PHLPP1: variants seen among roughly 807,000 people sequenced by gnomAD.
The protein encoded by PHLPP1 is PH domain and leucine rich repeat protein phosphatase 1, also known as PH domain leucine-rich repeat-containing protein phosphatase 1.
A neutral mutation model predicts 117.2 loss-of-function variants in PHLPP1; 42 were observed. That is an observed-to-expected ratio of 0.36 (90% CI 0.28 to 0.46). The LOEUF (loss-of-function observed/expected upper bound fraction) is 0.46, where lower values mean the gene tolerates loss of function less well. PHLPP1 is among the 20% of genes least tolerant of loss of function. PHLPP1 has a pLI of 1.00. For missense variants in PHLPP1, 2,084 were observed against 2,241.9 expected, an observed-to-expected ratio of 0.93 and a Z score of 1.42; for synonymous variants, 1,042 against 970.7, an observed-to-expected ratio of 1.07 and a Z score of -1.37.
At chr18:62,893,135 G>A (rs192826517) in intron 4 of PHLPP1, among the ~76,000 whole-genome samples, 69 of 151,436 alleles carry the variant, frequency 4.6e-4, no homozygotes, top group African/African-American at 1.6e-3. Context: ...TCTGTCTCCC[G>A]GGTTCAAGCA....
intron 10 of PHLPP1, among the ~76,000 whole-genome samples, chr18:62,930,226 A>G (rs946516596): frequency 7.2e-5 from 11 of 152,206 alleles, no homozygotes; most frequent in African/African-American, 1.4e-4. Context: ...TATATATCCT[A>G]TAGAGAGGGA....
At chr18:62,922,366 A>G (rs1191923014) in intron 10 of PHLPP1, among the ~76,000 whole-genome samples, 1 of 152,102 alleles carries the variant, frequency 6.6e-6, no homozygotes, top group Non-Finnish European at 1.5e-5. Flanking sequence ...TAAACTTCTG[A>G]TCTCAAGTGA....
intron 14 of PHLPP1, among the ~76,000 whole-genome samples, chr18:62,972,112 A>AG (rs1419809538): frequency 6.6e-6 from 1 of 152,192 alleles, no homozygotes; most frequent in East Asian, 1.9e-4. Context: ...CTTTTCATAT[A>AG]GGTTTCGTCT....
intron 1 of PHLPP1, among the ~76,000 whole-genome samples, chr18:62,734,699 A>G (rs1911322141): frequency 6.6e-6 from 1 of 152,208 alleles, no homozygotes; most frequent in South Asian, 2.1e-4. Context: ...AAACCAATCA[A>G]CATTCAGGTT....
At chr18:62,860,666 A>G in intron 4 of PHLPP1, 65 bp downstream of exon 4, 2 of 1,278,810 alleles carry the variant, frequency 1.6e-6, no homozygotes, top group South Asian at 1.4e-5. Context: ...TCTGCTTGTT[A>G]TCTCTTGAAT....
At chr18:62,746,621 C>T (rs1329365566) in intron 1 of PHLPP1, among the ~76,000 whole-genome samples, 1 of 151,808 alleles carries the variant, frequency 6.6e-6, no homozygotes, top group Non-Finnish European at 1.5e-5. Context: ...ATATAAAGAA[C>T]ACCTGTGTAA....
intron 4 of PHLPP1, among the ~76,000 whole-genome samples, chr18:62,868,621 CAAAA>C (rs35943627): frequency 4.5e-5 from 3 of 67,234 alleles, no homozygotes; most frequent in Non-Finnish European, 1.0e-4. Flanking sequence ...GACTCTGTCT[CAAAA>C]AAAAAAAAAA....
At chr18:62,977,195 A>C (rs1438856471) in intron 16 of PHLPP1, among the ~76,000 whole-genome samples, 2 of 152,242 alleles carry the variant, frequency 1.3e-5, no homozygotes, top group African/African-American at 4.8e-5. Flanking sequence ...AGAAGCTGGG[A>C]AAGACATCCC....
At chr18:62,722,170 G>C (rs1910940500) in intron 1 of PHLPP1, among the ~76,000 whole-genome samples, 1 of 152,132 alleles carries the variant, frequency 6.6e-6, no homozygotes, top group African/African-American at 2.4e-5. Context: ...GTGAACTCTG[G>C]ATTTTGAGAG....
intron 3 of PHLPP1, among the ~76,000 whole-genome samples, chr18:62,840,131 GA>G (rs1278625876): frequency 6.6e-6 from 1 of 152,158 alleles, no homozygotes; most frequent in Non-Finnish European, 1.5e-5. Flanking sequence ...AATAACTTTG[GA>G]AAACAGTTAA....
intron 10 of PHLPP1, among the ~76,000 whole-genome samples, chr18:62,922,253 C>G (rs1180343363): frequency 6.6e-6 from 1 of 152,204 alleles, no homozygotes; most frequent in Non-Finnish European, 1.5e-5. Flanking sequence ...TCTCTTCCCT[C>G]AGCCTCCCAA....
At chr18:62,797,593 G>A (rs1156722168) in intron 1 of PHLPP1, among the ~76,000 whole-genome samples, 1 of 152,156 alleles carries the variant, frequency 6.6e-6, no homozygotes, top group Non-Finnish European at 1.5e-5. Flanking sequence ...TGAAGGAAAT[G>A]AGGAAATAAG....
chr18:62,741,837 C>T (rs754768793), intron 1 of PHLPP1, among the ~76,000 whole-genome samples: 6 of 150,962 alleles, frequency 4.0e-5, no homozygotes, highest in Non-Finnish European at 7.4e-5. Context: ...GTAGGAAGCC[C>T]GGCAAGTTTA....
chr18:62,925,913 A>G (rs1401394141), intron 10 of PHLPP1, among the ~76,000 whole-genome samples: 1 of 152,202 alleles, frequency 6.6e-6, no homozygotes, highest in African/African-American at 2.4e-5. Flanking sequence ...TCCAGTGCAG[A>G]TGGTCTGCTG....
chr18:62,716,058 G>T lies in PHLPP1; in HGVS notation c.375G>T (p.Arg125=). ...GANSLLLRRG[R]LKRNLSAAAA... ...ACTCCCTCCTGCTGAGGAGAGGGCG[G>T]CTGAAGAGGAATCTGTCCGCGGCCG... Residue 125 remains arginine (R), a synonymous_variant, in exon 1 of 17, where the codon CGG becomes CGT. Transcript: ENST00000262719. This position sits in a 1 kb window ranked among gnomAD's most constrained non-coding sequence, Gnocchi z 5.7. 1 of 1,478,870 alleles carries T rather than the reference G, an allele frequency of 6.8e-7. No homozygotes were observed. Among genetic ancestry groups the T allele is most frequent in the South Asian group, 1.3e-5 (1 of 76,402 alleles). 91.6% of individuals were successfully genotyped at this position (1,478,870 alleles called of 1,614,324 possible).
At chr18:62,733,935 G>A (rs1911296268) in intron 1 of PHLPP1, among the ~76,000 whole-genome samples, 1 of 152,160 alleles carries the variant, frequency 6.6e-6, no homozygotes, top group African/African-American at 2.4e-5. Flanking sequence ...CCAGGCATCT[G>A]GGCCTTTTTA....
intron 1 of PHLPP1, among the ~76,000 whole-genome samples, chr18:62,730,279 C>T (rs1356076870): frequency 6.6e-6 from 1 of 152,170 alleles, no homozygotes; most frequent in Non-Finnish European, 1.5e-5. Context: ...TTACCTGCTG[C>T]ACGAGGTTGT....
intron 1 of PHLPP1, among the ~76,000 whole-genome samples, chr18:62,822,280 G>GTTTTTTTTTTTTTTTTTTT (rs796719016): frequency 2.1e-5 from 2 of 95,982 alleles, no homozygotes; most frequent in Admixed American, 1.1e-4. Context: ...TTTTTTTTTT[G>GTTTTTTTTTTTTTTTTTTT]TTTTTGTTTT....
Position 62,932,902 on chromosome 18 carries a change from A to T in PHLPP1, c.2961-8816A>T, listed in dbSNP as rs187028582. Among the ~76,000 whole-genome samples the T allele has an allele frequency of 2.3e-3, 357 of 152,352 alleles. 3 individuals carry two copies. The highest frequency in any genetic ancestry group is 4.1e-3 in the Non-Finnish European group (280 of 68,028). On this transcript the variant is annotated intron_variant, in intron 10 of 16. Coordinates refer to ENST00000262719, the MANE Select transcript of PHLPP1 (RefSeq NM_194449.4). Reference sequence around the variant, plus strand: ...CAAAAGACTCTCAGACTTGATAAACAACTTCAGTAAAGTTTCAGGATTCAG... The same window carrying T: ...CAAAAGACTCTCAGACTTGATAAACTACTTCAGTAAAGTTTCAGGATTCAG...
Sources: allele counts gnomAD v4.1 joint callset (sites outside exome capture counted in the v4.1 genomes callset), GRCh38; gene constraint gnomAD v4.1.1; non-coding constraint Gnocchi (gnomAD v3.1); transcripts MANE v1.5; gene names NCBI Gene and HGNC (gene_info 2026-07-23, HGNC 2026-07-21).